The following GAB2 variants were observed in gnomAD, a reference collection of about 807,000 sequenced individuals.
The protein encoded by GAB2 is GRB2 associated binding protein 2.
GAB2 carries 26 observed loss-of-function variants against 65.5 expected under a neutral mutation model. The observed-to-expected ratio is 0.40, with a 90% confidence interval of 0.29 to 0.55. The LOEUF is 0.55. GAB2 is among the 20% of genes least tolerant of loss of function. The pLI, the probability that GAB2 is intolerant of heterozygous loss-of-function variation, is 0.53. For missense variants in GAB2, 884 were observed against 875.8 expected (o/e 1.01, Z -0.12); for synonymous variants, 321 against 329.6 (o/e 0.97, Z 0.28).
intron 1 of GAB2, among the ~76,000 whole-genome samples, chr11:78,362,540 G>T (rs1043653105): frequency 6.6e-6 from 1 of 151,580 alleles, no homozygotes; most frequent in Non-Finnish European, 1.5e-5. Flanking sequence ...AACACTACAC[G>T]GTTGCAACAA....
At chr11:78,344,311 G>T (rs1013196687) in intron 1 of GAB2, among the ~76,000 whole-genome samples, 1 of 152,124 alleles carries the variant, frequency 6.6e-6, no homozygotes, top group Admixed American at 6.5e-5. Context: ...AGTGATCTTA[G>T]TCATAAGGTA....
Position 78,403,233 on chromosome 11 carries a change from G to A in GAB2, c.75+14413C>T, listed in dbSNP as rs573462865. On this transcript the variant is annotated intron_variant, in intron 1 of 9. Coordinates refer to ENST00000361507, the MANE Select transcript of GAB2 (RefSeq NM_080491.3). ...TAGCAAATCACTTAAACATATTTACGAAGTTTAAATTTTTAAAAACTGCTA... is the reference window on the plus strand; with the variant it reads ...TAGCAAATCACTTAAACATATTTACAAAGTTTAAATTTTTAAAAACTGCTA... 3.3e-5 allele frequency among the ~76,000 whole-genome samples: 5 copies of A among 152,296 alleles called. No homozygotes were observed. The South Asian group carries it at 8.3e-4, about 25-fold the overall frequency.
At chr11:78,366,361 C>G (rs184354425) in intron 1 of GAB2, among the ~76,000 whole-genome samples, 2 of 152,008 alleles carry the variant, frequency 1.3e-5, no homozygotes, top group African/African-American at 4.8e-5. Flanking sequence ...AGGTGGATCA[C>G]CTGAGGTCAG....
At position 78,383,467 on chromosome 11, in the gene GAB2, G is replaced by A. The variant is rs149165617; in HGVS notation, c.75+34179C>T. Among the ~76,000 whole-genome samples the A allele has an allele frequency of 7.5e-3, 1,125 of 150,898 alleles. 11 individuals carry two copies. The highest frequency in any genetic ancestry group is 0.026 in the African/African-American group (1,069 of 40,960). ...TTTTTTAAGACGTGGGGTCTCAGCCGTGTGTGGTGGCTCACGTATGTAATC... is the reference window on the plus strand; with the variant it reads ...TTTTTTAAGACGTGGGGTCTCAGCCATGTGTGGTGGCTCACGTATGTAATC... On this transcript the variant is annotated intron_variant, in intron 1 of 9. Coordinates refer to ENST00000361507, the MANE Select transcript of GAB2 (RefSeq NM_080491.3).
intron 1 of GAB2, among the ~76,000 whole-genome samples, chr11:78,332,461 T>C (rs553450688): frequency 1.0e-3 from 153 of 152,294 alleles, no homozygotes; most frequent in African/African-American, 2.5e-3. Context: ...GAGCTTTCTA[T>C]TCATATAAGC....
At chr11:78,397,489 T>TTCATTCTCA (rs1856916647) in intron 1 of GAB2, among the ~76,000 whole-genome samples, 1 of 152,324 alleles carries the variant, frequency 6.6e-6, no homozygotes, top group African/African-American at 2.4e-5. Context: ...AGCTTCATAA[T>TTCATTCTCA]TCATTCTGAT....
intron 2 of GAB2, among the ~76,000 whole-genome samples, chr11:78,271,654 G>A (rs1029575491): frequency 1.4e-4 from 22 of 152,164 alleles, no homozygotes; most frequent in Non-Finnish European, 2.9e-4. Flanking sequence ...TCTTCTAGCT[G>A]AAAGTAAACA....
At position 78,302,824 on chromosome 11, in the gene GAB2, A is replaced by G. The variant is rs535192287; in HGVS notation, c.76-21923T>C. On this transcript the variant is annotated intron_variant, in intron 1 of 9. Coordinates refer to ENST00000361507, the MANE Select transcript of GAB2 (RefSeq NM_080491.3). ...TAAAGAAACTGAGATATATATATGT[A>G]TCTATACAGATAGATATATGATGGA... Among the ~76,000 whole-genome samples the G allele has an allele frequency of 1.6e-4, 24 of 152,372 alleles. No individual in the cohort carries two copies. In the South Asian group the frequency reaches 4.1e-3, roughly 26 times the overall value.
chr11:78,281,205 C>T (rs1331044241), intron 1 of GAB2, among the ~76,000 whole-genome samples: 1 of 151,512 alleles, frequency 6.6e-6, no homozygotes, highest in African/African-American at 2.4e-5. Context: ...CCTCCTAAAG[C>T]ACTGGGATTA....
intron 1 of GAB2, among the ~76,000 whole-genome samples, chr11:78,402,486 G>A (rs1388109237): frequency 2.0e-5 from 3 of 150,618 alleles, no homozygotes; most frequent in African/African-American, 7.4e-5. Context: ...CTGGAGTACA[G>A]TGGCACAATC....
chr11:78,335,994 AC>A (rs1855990607), intron 1 of GAB2, among the ~76,000 whole-genome samples: 1 of 151,958 alleles, frequency 6.6e-6, no homozygotes, highest in African/African-American at 2.4e-5. Flanking sequence ...ATTTGTGGCT[AC>A]TATAAATGGG....
chr11:78,272,888 C>T (rs541264763), intron 2 of GAB2, among the ~76,000 whole-genome samples: 1 of 152,330 alleles, frequency 6.6e-6, no homozygotes, highest in East Asian at 1.9e-4. Context: ...TGCCCTGTGT[C>T]CCAGTCACTC....
intron 1 of GAB2, among the ~76,000 whole-genome samples, chr11:78,341,243 T>C (rs1489946519): frequency 1.3e-5 from 2 of 152,260 alleles, no homozygotes; most frequent in Non-Finnish European, 2.9e-5. Context: ...ATTGAATGCC[T>C]ATTATGTGTC....
At chr11:78,405,091 ATTTTTTTTTTTT>A (rs1174366754) in intron 1 of GAB2, among the ~76,000 whole-genome samples, 1 of 93,280 alleles carries the variant, frequency 1.1e-5, no homozygotes, top group South Asian at 3.4e-4. Flanking sequence ...AAAAACATGG[ATTTTTTTTTTTT>A]TTTTTTTTTT....
chr11:78,400,700 C>T (rs1182471579), intron 1 of GAB2, among the ~76,000 whole-genome samples: 5 of 151,856 alleles, frequency 3.3e-5, no homozygotes, highest in African/African-American at 4.8e-5. Context: ...GCCAGGAGTT[C>T]GAGACCAGCC....
intron 1 of GAB2, among the ~76,000 whole-genome samples, chr11:78,400,841 C>T (rs1376604051): frequency 7.5e-6 from 1 of 132,692 alleles, no homozygotes; most frequent in African/African-American, 2.8e-5. Context: ...GAGGCGGAGA[C>T]TGCAGCAAGC....
At chr11:78,227,441 G>A (rs1220510057) in intron 3 of GAB2, among the ~76,000 whole-genome samples, 2 of 152,134 alleles carry the variant, frequency 1.3e-5, no homozygotes, top group Non-Finnish European at 2.9e-5. Context: ...ACCTCTCTGA[G>A]TCTATTCTGC....
intron 2 of GAB2, among the ~76,000 whole-genome samples, chr11:78,261,365 G>T (rs867020657): frequency 3.3e-5 from 5 of 152,204 alleles, no homozygotes; most frequent in Non-Finnish European, 7.3e-5. Context: ...AGCAAGTTCT[G>T]TTGGAATCTT....
At chr11:78,358,958 TTG>T (rs1346053602) in intron 1 of GAB2, among the ~76,000 whole-genome samples, 2 of 151,970 alleles carry the variant, frequency 1.3e-5, no homozygotes, top group African/African-American at 4.8e-5. Flanking sequence ...AAAATTACAA[TTG>T]AAATGAAAAA....
Sources: gnomAD v4.1 joint callset for allele counts (sites outside exome capture counted in the v4.1 genomes callset) on GRCh38, gnomAD v4.1.1 for gene constraint, MANE v1.5 for transcripts, NCBI Gene and HGNC (gene_info 2026-07-23, HGNC 2026-07-21) for gene names.